BLTP1: variants seen among roughly 807,000 people sequenced by gnomAD.
The protein encoded by BLTP1 is fragile site-associated protein.
At chr4:122,235,411 ATT>A in the BLTP1 span, 1 of 977,930 alleles carries the variant, frequency 1.0e-6, no homozygotes, top group Non-Finnish European at 1.2e-6. Flanking sequence ...GGATAGTAAT[ATT>A]TATACTGTTG....
the BLTP1 span, among the ~76,000 whole-genome samples, chr4:122,215,135 C>T: frequency 6.6e-6 from 1 of 152,166 alleles, no homozygotes; most frequent in Non-Finnish European, 1.5e-5. Context: ...AAGTCACTGA[C>T]ACATTTAATA....
At chr4:122,344,359 G>T in the BLTP1 span, 1 of 1,610,184 alleles carries the variant, frequency 6.2e-7, no homozygotes, top group South Asian at 1.1e-5. Flanking sequence ...TGTGGGGGTT[G>T]TGTTTGTTTG....
chr4:122,289,161 G>A, the BLTP1 span: 3 of 1,609,008 alleles, frequency 1.9e-6, no homozygotes, highest in Non-Finnish European at 2.5e-6. Flanking sequence ...TGTTCATGAA[G>A]GAAGTTAATG....
At chr4:122,246,254 A>C in the BLTP1 span, 1 of 1,608,044 alleles carries the variant, frequency 6.2e-7, no homozygotes, top group Non-Finnish European at 8.5e-7. Flanking sequence ...GAAGCAAGAT[A>C]ATGTAACAAT....
At chr4:122,343,735 A>C in the BLTP1 span, 1 of 1,001,150 alleles carries the variant, frequency 1.0e-6, no homozygotes, top group South Asian at 1.7e-5. Context: ...CCTCTTTGAT[A>C]ATACCTATCT....
the BLTP1 span, among the ~76,000 whole-genome samples, chr4:122,168,548 A>G: frequency 1.3e-5 from 2 of 152,118 alleles, no homozygotes; most frequent in African/African-American, 2.4e-5. Context: ...ATTTTTTAAG[A>G]TAGTTTTTTT....
the BLTP1 span, chr4:122,286,564 G>C: frequency 6.2e-7 from 1 of 1,613,974 alleles, no homozygotes; most frequent in South Asian, 1.1e-5. Context: ...ATTTACATTT[G>C]AGCTGCCAAA....
the BLTP1 span, chr4:122,276,049 C>T: frequency 6.5e-7 from 1 of 1,549,200 alleles, no homozygotes; most frequent in Non-Finnish European, 8.7e-7. Context: ...TTTTTCATGG[C>T]TTTGTAATTA....
chr4:122,262,969 C>G, the BLTP1 span: 1 of 1,613,534 alleles, frequency 6.2e-7, no homozygotes. Flanking sequence ...AAAAGTAGCT[C>G]CCTAACGAGA....
the BLTP1 span, chr4:122,315,690 TAAGTA>T: frequency 6.2e-7 from 1 of 1,613,370 alleles, no homozygotes; most frequent in Non-Finnish European, 8.5e-7. Flanking sequence ...ATCCATACTG[TAAGTA>T]AACTCACTGT....
the BLTP1 span, chr4:122,211,025 A>G: frequency 5.6e-6 from 9 of 1,613,612 alleles, no homozygotes; most frequent in African/African-American, 1.1e-4. Flanking sequence ...CTTCATGTAG[A>G]AATGGAACTT....
chr4:122,334,662 C>A, the BLTP1 span: 1 of 997,296 alleles, frequency 1.0e-6, no homozygotes, highest in Non-Finnish European at 1.5e-6. Flanking sequence ...ATACATTTGT[C>A]AATAATGACT....
the BLTP1 span, among the ~76,000 whole-genome samples, chr4:122,309,934 A>G: frequency 2.0e-5 from 3 of 152,140 alleles, no homozygotes; most frequent in South Asian, 4.1e-4. Context: ...CTGCAATTCC[A>G]TAATATTCAA....
chr4:122,287,570 C>T, the BLTP1 span: 2 of 985,358 alleles, frequency 2.0e-6, no homozygotes, highest in South Asian at 9.4e-5. Flanking sequence ...TTGTCAAAAA[C>T]TGTTGCAACT....
At chr4:122,359,903 C>T in the BLTP1 span, 14 of 985,254 alleles carry the variant, frequency 1.4e-5, no homozygotes, top group African/African-American at 1.0e-4. Flanking sequence ...CTAGGTAAGG[C>T]GAATGAAGTA....
the BLTP1 span, chr4:122,258,952 T>A: frequency 1.6e-6 from 1 of 618,910 alleles, no homozygotes; most frequent in Non-Finnish European, 2.7e-6. Context: ...CAGATAGCAT[T>A]TTCGTGTTGA....
At chr4:122,176,290 GAT>G in the BLTP1 span, among the ~76,000 whole-genome samples, 14 of 150,946 alleles carry the variant, frequency 9.3e-5, no homozygotes, top group African/African-American at 2.9e-4. Flanking sequence ...GCAACAGAGC[GAT>G]ACTCTGTCTC....
chr4:122,341,573 A>C, the BLTP1 span: 1 of 596,988 alleles, frequency 1.7e-6, no homozygotes, highest in Non-Finnish European at 2.1e-6. Context: ...TGAAATGAGA[A>C]ATTTTTTATG....
the BLTP1 span, chr4:122,286,639 A>G: frequency 6.2e-7 from 1 of 1,614,128 alleles, no homozygotes; most frequent in Non-Finnish European, 8.5e-7. Flanking sequence ...TCCTTCTGCC[A>G]GTCTTAACCT....
Sources: allele counts gnomAD v4.1 joint callset (sites outside exome capture counted in the v4.1 genomes callset), GRCh38; gene constraint gnomAD v4.1.1; transcripts MANE v1.5; gene names NCBI Gene and HGNC (gene_info 2026-07-23, HGNC 2026-07-21).